The following KRIT1 variants were observed in gnomAD, a reference collection of about 807,000 sequenced individuals.
KRIT1 encodes the protein KRIT1 ankyrin repeat containing.
A neutral mutation model predicts 95.8 loss-of-function variants in KRIT1; 45 were observed. The ratio of observed to expected loss-of-function variants is 0.47; its 90% CI spans 0.37 to 0.60. The LOEUF (loss-of-function observed/expected upper bound fraction) is 0.60, where lower values mean the gene tolerates loss of function less well. Among genes scored for constraint, KRIT1 ranks in the 20% least tolerant of loss-of-function variants. The pLI is 0.00. For synonymous variants in KRIT1, 282 were observed against 278.8 expected (o/e 1.01, Z -0.11); for missense variants, 788 against 877.5 (o/e 0.90, Z 1.29).
intron 5 of KRIT1, among the ~76,000 whole-genome samples, chr7:92,239,766 A>G (rs1022345025): frequency 8.3e-5 from 12 of 144,208 alleles, no homozygotes; most frequent in African/African-American, 3.1e-4. Flanking sequence ...GCTAGAGTGC[A>G]GTGGCACAAT....
intron 14 of KRIT1, among the ~76,000 whole-genome samples, chr7:92,216,694 T>G (rs1794067757): frequency 1.3e-5 from 2 of 152,184 alleles, no homozygotes; most frequent in Non-Finnish European, 2.9e-5. Flanking sequence ...TGTTAACAAC[T>G]TGTGATCTAA....
At chr7:92,225,425 A>G (rs1423513091) in intron 12 of KRIT1, among the ~76,000 whole-genome samples, 1 of 152,038 alleles carries the variant, frequency 6.6e-6, no homozygotes, top group Non-Finnish European at 1.5e-5. Flanking sequence ...CTCCTGTCTC[A>G]GCCTCCTGAG....
intron 10 of KRIT1, 35 bp from the exon 11 acceptor site, chr7:92,226,717 C>T: frequency 1.3e-6 from 2 of 1,595,072 alleles, no homozygotes; most frequent in South Asian, 1.1e-5. Flanking sequence ...AAAACAACAA[C>T]AAAAAAAACT....
In KRIT1 at chr7:92,242,061, A is replaced by G; in HGVS notation, c.75T>C (p.Ser25=). The G allele has an allele frequency of 6.3e-7, 1 of 1,581,858 alleles. No individual in the cohort carries two copies. The change falls in exon 4 of 19, where the codon TCT becomes TCC. Residue 25 remains serine, a synonymous_variant. Coordinates refer to ENST00000394505, the MANE Select transcript of KRIT1 (RefSeq NM_194454.3). ...IRPKNTASLN[S]REYRAKSYEI... ...CATATGACTTAGCTCTGTATTCCCG[A>G]GAATTGAGACTGGCAGTATTCTTTG...
chr7:92,235,344 A>C, intron 8 of KRIT1, 59 bp downstream of exon 8: 1 of 1,561,582 alleles, frequency 6.4e-7, no homozygotes, highest in Non-Finnish European at 8.8e-7. Context: ...TCAGGAAAAA[A>C]AATTACACTT....
In KRIT1 at chr7:92,213,300, G is replaced by A. The variant is rs2078877211; in HGVS notation, c.1920C>T (p.Phe640=). Residue 640 remains phenylalanine (F), a synonymous_variant, in exon 17 of 19, where the codon TTC becomes TTT. Coordinates refer to ENST00000394505, the MANE Select transcript of KRIT1 (RefSeq NM_194454.3). ...WEIPTYGAAF[F]TGQIFTKASP... ...TTGCCTTTGTAAATATCTGTCCTGTGAAAAATGCTGCTCCATAAGTAGGAA... is the reference window on the plus strand; with the variant it reads ...TTGCCTTTGTAAATATCTGTCCTGTAAAAAATGCTGCTCCATAAGTAGGAA... 6.2e-7 allele frequency: 1 copy of A among 1,613,028 alleles called. No individual in the cohort carries two copies.
chr7:92,233,029 T>C (rs368782331), intron 10 of KRIT1, among the ~76,000 whole-genome samples: 1 of 152,152 alleles, frequency 6.6e-6, no homozygotes, highest in South Asian at 2.1e-4. Flanking sequence ...TTGCCGCCAG[T>C]ATTTTCTGGT....
chr7:92,238,295 C>T (rs1384407573), intron 5 of KRIT1, among the ~76,000 whole-genome samples: 1 of 152,106 alleles, frequency 6.6e-6, no homozygotes, highest in Non-Finnish European at 1.5e-5. Flanking sequence ...TAAATAATAA[C>T]CTACAAGTCT....
At chr7:92,201,600 T>A (rs540124707) in intron 17 of KRIT1, 177 bp from the exon 18 acceptor site, 1 of 573,740 alleles carries the variant, frequency 1.7e-6, no homozygotes, top group East Asian at 3.1e-5. Flanking sequence ...TTTTGTTACA[T>A]AGACATACAC....
chr7:92,234,346 G>A (rs1028888002), intron 10 of KRIT1, 103 bp downstream of exon 10: 1 of 930,830 alleles, frequency 1.1e-6, no homozygotes, highest in Non-Finnish European at 1.7e-6. Flanking sequence ...CAAACAGGTA[G>A]AGAAAAAGTA....
In KRIT1 at chr7:92,234,491, T is replaced by G. The variant is rs746338208; in HGVS notation, c.947A>C (p.Gln316Pro). 6.2e-6 allele frequency: 10 copies of G among 1,610,928 alleles called. No individual in the cohort carries two copies. The highest frequency in any genetic ancestry group is 7.6e-6 in the Non-Finnish European group (9 of 1,177,110). ...GGGTGCCCAGTGGTCACTATCTAAC[T>G]GGTTGACTGAAAATCTTTCACTGAG... is the stretch of plus-strand genomic sequence containing the variant. ...RLLSERFSVN[Q>P]LDSDHWAPIH... The change falls in exon 10 of 19, where the codon CAG becomes CCG. Residue 316 changes from glutamine to proline, a missense_variant. Physicochemically the swap from Gln to Pro is moderately conservative, Grantham distance 76 (BLOSUM62 -1). Around this residue, in one of 3 missense-constraint regions of KRIT1, gnomAD observed 493 missense variants for 582.3 expected, o/e 0.85. Transcript: ENST00000394505.
intron 13 of KRIT1, among the ~76,000 whole-genome samples, chr7:92,222,402 G>A (rs1795315331): frequency 6.6e-6 from 1 of 152,082 alleles, no homozygotes; most frequent in Admixed American, 6.5e-5. Flanking sequence ...CTTTATGTAT[G>A]TGTAATACTT....
At chr7:92,229,416 T>C (rs1796843132) in intron 10 of KRIT1, among the ~76,000 whole-genome samples, 1 of 152,128 alleles carries the variant, frequency 6.6e-6, no homozygotes, top group Non-Finnish European at 1.5e-5. Context: ...AAGTCTAATA[T>C]CCAGCACCTA....
Position 92,201,275 on chromosome 7 carries a change from A to G in KRIT1, c.2142+32T>C, listed in dbSNP as rs553903839. The G allele has an allele frequency of 1.7e-4, 162 of 980,476 alleles. 2 individuals are homozygous for G. In the Middle Eastern group the frequency reaches 3.2e-3, roughly 19 times the overall value. The allele number at this position is 980,476 out of a possible 1,614,324, so 60.7% of individuals were successfully genotyped here. On this transcript the variant is annotated intron_variant, in intron 18 of 18. Transcript: ENST00000394505. ...AAAGAAGTAACTTTACTAACACAAT[A>G]GTTTATGAAGTCCAAAATAAATGAT... is the stretch of plus-strand genomic sequence containing the variant.
chr7:92,245,995 C>T (rs557209996), upstream of KRIT1: 2 of 235,620 alleles, frequency 8.5e-6, no homozygotes, highest in Admixed American at 6.4e-5. Context: ...CGGGCTGCTG[C>T]CGTTCCTGCT....
intron 14 of KRIT1, 36 bp downstream of exon 14, chr7:92,221,866 C>A: frequency 6.3e-7 from 1 of 1,583,208 alleles, no homozygotes; most frequent in Non-Finnish European, 8.7e-7. Context: ...AGATTTTGTG[C>A]ATTTAAATAA....
intron 14 of KRIT1, among the ~76,000 whole-genome samples, chr7:92,220,495 T>C (rs896211203): frequency 6.6e-6 from 1 of 152,140 alleles, no homozygotes; most frequent in East Asian, 1.9e-4. Context: ...AGTTTGGACA[T>C]GGCTGTTGAA....
intron 14 of KRIT1, among the ~76,000 whole-genome samples, chr7:92,219,058 T>C (rs893651737): frequency 2.0e-5 from 3 of 152,214 alleles, no homozygotes; most frequent in African/African-American, 7.2e-5. Flanking sequence ...TGGAGTACAG[T>C]GGTGTGATCT....
intron 5 of KRIT1, among the ~76,000 whole-genome samples, chr7:92,238,311 T>A (rs1798846013): frequency 6.6e-6 from 1 of 152,192 alleles, no homozygotes; most frequent in South Asian, 2.1e-4. Flanking sequence ...AGTCTTGTAT[T>A]CTAAAACCCC....
Sources: gnomAD v4.1 joint callset for allele counts (sites outside exome capture counted in the v4.1 genomes callset) on GRCh38, gnomAD v4.1.1 for gene constraint, gnomAD v4.1.1 regional missense constraint, MANE v1.5 for transcripts, NCBI Gene and HGNC (gene_info 2026-07-23, HGNC 2026-07-21) for gene names.